Variants in PRAME observed in about 807,000 individuals in gnomAD.
The protein encoded by PRAME is PRAME nuclear receptor transcriptional regulator.
Under a neutral mutation model 32.1 loss-of-function variants are expected in PRAME, and 21 were observed. The ratio of observed to expected loss-of-function variants is 0.65; its 90% CI spans 0.46 to 0.94. PRAME has a LOEUF of 0.94. PRAME is among the 40% of genes least tolerant of loss of function. PRAME has a pLI of 0.00. For synonymous variants in PRAME, 274 were observed against 251.5 expected, an observed-to-expected ratio of 1.09 and a Z score of -0.85; for missense variants, 651 against 622.3, an observed-to-expected ratio of 1.05 and a Z score of -0.49.
At position 22,548,163 on chromosome 22, in the gene PRAME, G is replaced by A. The variant is rs1374878659; in HGVS notation, c.1434C>T (p.Ser478=). The stretch of plus-strand genomic sequence containing the variant: ...AGGGGTTGGCACTAAGCCAGACCAT[G>A]CTGGGCCGCCCCAACTCACACAGCA... The part of the protein sequence containing the change: ...RELLCELGRP[S]MVWLSANPCP... Residue 478 remains serine, a synonymous_variant, in exon 6 of 6, where the codon AGC becomes AGT. Transcript: ENST00000405655. 6.2e-6 allele frequency: 10 copies of A among 1,613,866 alleles called. No individual in the cohort carries two copies. The highest frequency in any genetic ancestry group is 1.1e-5 in the South Asian group (1 of 91,068).
At chr22:22,548,750 A>C (rs989687236) in intron 5 of PRAME, 107 bp from the exon 6 acceptor site, 1 of 1,036,668 alleles carries the variant, frequency 9.6e-7, no homozygotes, top group Non-Finnish European at 1.4e-6. Context: ...ATGATGGTTA[A>C]CCGCCAGGAT....
rs140857433 is a variant in PRAME at position 22,549,884 on chromosome 22, G to T, written c.795C>A (p.Leu265=). The T allele has an allele frequency of 2.1e-5, 34 of 1,613,838 alleles. No homozygotes were observed. The highest frequency in any genetic ancestry group is 3.3e-4 in the Middle Eastern group (2 of 6,054). The change falls in exon 5 of 6, where the codon CTC becomes CTA. Residue 265 remains leucine, a synonymous_variant. Transcript: ENST00000405655. Reference sequence around the variant, plus strand: ...AAGATGCATGGATGTGGGAGAGGAGGAGTCTACGCAGATTAATCATCTGGC... The same window carrying T: ...AAGATGCATGGATGTGGGAGAGGAGTAGTCTACGCAGATTAATCATCTGGC... ...YLGQMINLRR[L]LLSHIHASSY...
intron 3 of PRAME, 35 bp from the exon 4 acceptor site, chr22:22,551,124 C>A (rs753372333): frequency 6.6e-7 from 1 of 1,508,246 alleles, no homozygotes; most frequent in South Asian, 1.3e-5. Flanking sequence ...GCATCCCTTT[C>A]AGCCCAAGCA....
chr22:22,554,347 GA>G, intron 3 of PRAME: 1 of 736,200 alleles, frequency 1.4e-6, no homozygotes, highest in East Asian at 1.3e-4. Flanking sequence ...GTAATTCGTT[GA>G]AGGATGTTTT....
In PRAME at chr22:22,549,914, G is replaced by A; in HGVS notation, c.765C>T (p.Tyr255=). 1 of 1,613,814 alleles carries A rather than the reference G, an allele frequency of 6.2e-7. No homozygotes were observed. The highest frequency in any genetic ancestry group is 8.5e-7 in the Non-Finnish European group (1 of 1,179,958). Residue 255 remains tyrosine, a synonymous_variant, in exon 5 of 6, where the codon TAC becomes TAT. Transcript: ENST00000405655. ...KLPTLAKFSP[Y]LGQMINLRRL... Reference sequence around the variant, plus strand: ...TACGCAGATTAATCATCTGGCCCAGGTAAGGAGAAAATTTCGCCAAGGTGG... The same window carrying A: ...TACGCAGATTAATCATCTGGCCCAGATAAGGAGAAAATTTCGCCAAGGTGG...
At chr22:22,556,502 G>C (rs1001895556) in intron 3 of PRAME, among the ~76,000 whole-genome samples, 1 of 151,790 alleles carries the variant, frequency 6.6e-6, no homozygotes, top group African/African-American at 2.4e-5. Flanking sequence ...AGTAGACGCG[G>C]GGTTTCACAG....
Position 22,548,239 on chromosome 22 carries a change from C to A in PRAME, c.1358G>T (p.Gly453Val), listed in dbSNP as rs777374515. 6.2e-7 allele frequency: 1 copy of A among 1,613,678 alleles called. No homozygotes were observed. Among genetic ancestry groups the A allele is most frequent in the African/African-American group, 1.3e-5 (1 of 74,858 alleles). ...VPLESYEDIH[G>V]TLHLERLAYL... ...GGCAAGCCTCTCCAGGTGGAGGGTACCATGGATGTCCTCATAACTCTCCAG... is the reference window on the plus strand; with the variant it reads ...GGCAAGCCTCTCCAGGTGGAGGGTAACATGGATGTCCTCATAACTCTCCAG... Residue 453 changes from glycine to valine, a missense_variant, in exon 6 of 6, where the codon GGT becomes GTT. Physicochemically the swap from Gly to Val is moderately radical, Grantham distance 109 (BLOSUM62 -3). Coordinates refer to ENST00000405655, the MANE Select transcript of PRAME (RefSeq NM_206956.3).
intron 3 of PRAME, chr22:22,554,128 A>T: frequency 4.1e-6 from 4 of 985,154 alleles, no homozygotes; most frequent in Non-Finnish European, 4.8e-6. Context: ...TTGGCATTTA[A>T]GGATCTGCTT....
Position 22,547,788 on chromosome 22 carries a change from A to T in PRAME, c.*279T>A. 4.1e-6 allele frequency: 2 copies of T among 492,920 alleles called. No homozygotes were observed. The highest frequency in any genetic ancestry group is 6.1e-5 in the South Asian group (2 of 32,956). 30.5% of individuals were successfully genotyped at this position (492,920 alleles called of 1,614,324 possible). ...CTCCTACATGTACTTCCCAAGCCAG[A>T]ATCTCCCTTTAGAAATTCAGATTCT... is the stretch of plus-strand genomic sequence containing the variant. On this transcript the variant is annotated 3_prime_UTR_variant, in exon 6 of 6. Transcript: ENST00000405655.
intron 2 of PRAME, 111 bp from the exon 3 acceptor site, chr22:22,557,020 G>A: frequency 4.4e-6 from 3 of 686,122 alleles, no homozygotes; most frequent in Non-Finnish European, 7.5e-6. Flanking sequence ...ACTGACAACT[G>A]GCGACTCAAT....
chr22:22,557,204 A>T (rs1396042624), intron 2 of PRAME: 1 of 287,156 alleles, frequency 3.5e-6, no homozygotes, highest in Non-Finnish European at 6.3e-6. Context: ...CCGCCTTCCT[A>T]GGACGCCTAC....
intron 3 of PRAME, among the ~76,000 whole-genome samples, chr22:22,555,018 C>T (rs940839755): frequency 6.6e-6 from 1 of 152,102 alleles, no homozygotes; most frequent in Non-Finnish European, 1.5e-5. Flanking sequence ...GCACCAGGGG[C>T]ACATTTGCAC....
rs888976983 is a variant in PRAME, at chr22:22,548,568, G to A, written c.1029C>T (p.Ser343=). The change falls in exon 6 of 6, where the codon TCC becomes TCT. Residue 343 remains serine (S), a synonymous_variant. Transcript: ENST00000405655. ...TTAGCTGACTGACGCTGGGACTCTG[G>A]GACAGATGCATCACATCCCCTTCCG... ...RLSEGDVMHL[S]QSPSVSQLSV... The A allele has an allele frequency of 3.7e-6, 6 of 1,612,896 alleles. No individual in the cohort carries two copies. In the African/African-American group the frequency reaches 8.0e-5, roughly 22 times the overall value.
chr22:22,552,962 A>AGT (rs2062686303), intron 3 of PRAME: 1 of 470,510 alleles, frequency 2.1e-6, no homozygotes, highest in Non-Finnish European at 4.4e-6. Context: ...CTGCCAACGG[A>AGT]AGAGCCAAAT....
In PRAME at chr22:22,550,201, T is replaced by G. The variant is rs560281157; in HGVS notation, c.478A>C (p.Lys160Gln). 2.6e-5 allele frequency: 42 copies of G among 1,613,714 alleles called. No individual in the cohort carries two copies. The highest frequency in any genetic ancestry group is 3.4e-5 in the Non-Finnish European group (40 of 1,179,968). The stretch of plus-strand genomic sequence containing the variant: ...GCCTCTGTGCTCAAACCATCTACTT[T>G]TCGCTTCTTTGTCATGGGCTGAGCT... The part of the protein sequence containing the change: ...EAAQPMTKKR[K>Q]VDGLSTEAEQ... The change falls in exon 5 of 6, where the codon AAA (lysine) becomes CAA (glutamine). Residue 160 changes from lysine to glutamine, a missense_variant. Transcript: ENST00000405655.
rs1290469474 is a variant in PRAME at position 22,551,050 on chromosome 22, T to A, written c.61A>T (p.Thr21Ser). ...AGCTCCACAAGTCTCCGTGGGCTTGTCCACACACTCATGCTGATGTATCGG... is the reference window on the plus strand; with the variant it reads ...AGCTCCACAAGTCTCCGTGGGCTTGACCACACACTCATGCTGATGTATCGG... The part of the protein sequence containing the change: ...QSRYISMSVW[T>S]SPRRLVELAG... Residue 21 changes from threonine to serine, a missense_variant, in exon 4 of 6, where the codon ACA becomes TCA. Coordinates refer to ENST00000405655, the MANE Select transcript of PRAME (RefSeq NM_206956.3). 1 of 1,603,700 alleles carries A rather than the reference T, an allele frequency of 6.2e-7. No individual in the cohort carries two copies. The highest frequency in any genetic ancestry group is 8.5e-7 in the Non-Finnish European group (1 of 1,173,408).
At chr22:22,553,215 A>C (rs924827892) in intron 3 of PRAME, among the ~76,000 whole-genome samples, 1 of 151,962 alleles carries the variant, frequency 6.6e-6, no homozygotes, top group African/African-American at 2.4e-5. Flanking sequence ...ACAATCCCCA[A>C]GTATCAAATT....
chr22:22,552,206 T>A (rs1365426288), intron 3 of PRAME, among the ~76,000 whole-genome samples: 2 of 151,030 alleles, frequency 1.3e-5, no homozygotes, highest in African/African-American at 4.9e-5. Context: ...TATGGAATAT[T>A]TTTTAACCTT....
At chr22:22,557,156 C>T (rs1032951149) in intron 2 of PRAME, 5 of 441,070 alleles carry the variant, frequency 1.1e-5, no homozygotes, top group African/African-American at 9.9e-5. Context: ...GTCAAGGACC[C>T]TGACTACGGT....
Sources: allele counts gnomAD v4.1 joint callset (sites outside exome capture counted in the v4.1 genomes callset), GRCh38; gene constraint gnomAD v4.1.1; transcripts MANE v1.5; gene names NCBI Gene and HGNC (gene_info 2026-07-23, HGNC 2026-07-21).